The following SERPINI2 variants were observed in gnomAD, a reference collection of about 807,000 sequenced individuals.
SERPINI2 encodes serpin family I member 2.
In SERPINI2, 48 loss-of-function variants were observed where a neutral mutation model predicts 47.3. That is an observed-to-expected ratio of 1.02 (90% confidence interval 0.81 to 1.29). The LOEUF (loss-of-function observed/expected upper bound fraction) is 1.29, where lower values mean the gene tolerates loss of function less well. Ranked by LOEUF, SERPINI2 falls within the 50% of genes most tolerant of loss-of-function variation. The pLI, the probability that SERPINI2 is intolerant of heterozygous loss-of-function variation, is 0.00. For synonymous variants in SERPINI2, 135 were observed against 149.3 expected, an observed-to-expected ratio of 0.90 and a Z score of 0.70; for missense variants, 448 against 456.9, an observed-to-expected ratio of 0.98 and a Z score of 0.18.
In SERPINI2 at chr3:167,453,048, AAAAG is replaced by A. The variant is rs757242436; in HGVS notation, c.867-19_867-16del. 6.7e-5 allele frequency: 96 copies of A among 1,428,090 alleles called. No homozygotes were observed. The highest frequency in any genetic ancestry group is 7.8e-5 in the Non-Finnish European group (81 of 1,042,376). 88.5% of individuals were successfully genotyped at this position (1,428,090 alleles called of 1,614,324 possible). A position where few individuals can be genotyped will look rare whatever the true frequency, so the allele number is the denominator to read the frequency against. On this transcript the variant is annotated splice_polypyrimidine_tract_variant and intron_variant, in intron 5 of 8. Transcript: ENST00000264677. ...CTACTTTAAATCTGTTATTAAAAAA[AAAAG>A]AAAAAGAAAAGTCTTGAAACACTGC...
chr3:167,465,088 T>G, intron 5 of SERPINI2, 118 bp downstream of exon 5: 1 of 912,308 alleles, frequency 1.1e-6, no homozygotes, highest in Non-Finnish European at 1.7e-6. Context: ...TCCAAATACA[T>G]TTGTATTTTC....
Position 167,465,625 on chromosome 3 carries a change from C to T in SERPINI2, c.527G>A (p.Arg176Gln), listed in dbSNP as rs138960368. Residue 176 changes from arginine (R) to glutamine (Q), a missense_variant, in exon 4 of 9, where the codon CGG becomes CAG. Arg to Gln is a conservative substitution (Grantham distance 43). Transcript: ENST00000264677. Reference sequence around the variant, plus strand: ...ATAAATAGCATTCACCAGGACAAGCCGAGTCAGAGGGCCAAATTCTTCCCC... The same window carrying T: ...ATAAATAGCATTCACCAGGACAAGCTGAGTCAGAGGGCCAAATTCTTCCCC... 26 of 1,612,142 alleles carry T rather than the reference C, an allele frequency of 1.6e-5. No individual in the cohort carries two copies. In the East Asian group the frequency reaches 2.2e-4, roughly 14 times the overall value.
At chr3:167,471,559 G>C in intron 2 of SERPINI2, 29 bp downstream of exon 2, 1 of 1,606,260 alleles carries the variant, frequency 6.2e-7, no homozygotes, top group Middle Eastern at 1.7e-4. Context: ...ATCTTATCCA[G>C]TATAAGTAAG....
chr3:167,453,656 TGGGGG>T (rs1221533452), intron 5 of SERPINI2, among the ~76,000 whole-genome samples: 1 of 49,116 alleles, frequency 2.0e-5, no homozygotes, highest in African/African-American at 7.0e-5. Context: ...ATTACAGGAG[TGGGGG>T]GGGGTGGGCA....
upstream of SERPINI2, among the ~76,000 whole-genome samples, chr3:167,476,789 C>G (rs545906835): frequency 6.6e-6 from 1 of 151,934 alleles, no homozygotes; most frequent in Non-Finnish European, 1.5e-5. Context: ...TGTGAATACC[C>G]GGAACCTAAA....
intron 5 of SERPINI2, among the ~76,000 whole-genome samples, chr3:167,458,563 T>C (rs1168497570): frequency 6.6e-6 from 1 of 151,972 alleles, no homozygotes; most frequent in Non-Finnish European, 1.5e-5. Context: ...CTCCCGGCTG[T>C]CTTAGTGAAT....
intron 1 of SERPINI2, among the ~76,000 whole-genome samples, chr3:167,472,832 T>C (rs1326372686): frequency 6.6e-6 from 1 of 151,840 alleles, no homozygotes; most frequent in African/African-American, 2.4e-5. Flanking sequence ...TGGTAGAATG[T>C]TGACTCCAAG....
chr3:167,445,846 C>T (rs1380523318), intron 8 of SERPINI2, among the ~76,000 whole-genome samples: 2 of 152,196 alleles, frequency 1.3e-5, no homozygotes, highest in African/African-American at 4.8e-5. Context: ...TACTTCTACA[C>T]TCCCTTTACC....
At position 167,449,483 on chromosome 3, in the gene SERPINI2, T is replaced by C. The variant is rs931792152; in HGVS notation, c.965-81A>G. On this transcript the variant is annotated intron_variant, in intron 6 of 8. Transcript: ENST00000264677. Reference sequence around the variant, plus strand: ...ACCTATTAGATCTCAATTAATTACATTTATTTATTTATTTATTTATTTATT... The same window carrying C: ...ACCTATTAGATCTCAATTAATTACACTTATTTATTTATTTATTTATTTATT... 8 of 527,952 alleles carry C rather than the reference T, an allele frequency of 1.5e-5. No homozygotes were observed. The South Asian group carries it at 2.2e-4, about 14-fold the overall frequency. 32.7% of individuals were successfully genotyped at this position (527,952 alleles called of 1,614,324 possible). A position where few individuals can be genotyped will look rare whatever the true frequency, so the allele number is the denominator to read the frequency against.
At chr3:167,473,648 G>T in intron 1 of SERPINI2, 1 of 508,898 alleles carries the variant, frequency 2.0e-6, no homozygotes, top group South Asian at 3.9e-5. Context: ...TATATTATTT[G>T]AGCATCCACA....
intron 6 of SERPINI2, among the ~76,000 whole-genome samples, chr3:167,450,562 A>G (rs1258204533): frequency 1.3e-5 from 2 of 152,202 alleles, no homozygotes; most frequent in Non-Finnish European, 2.9e-5. Context: ...AGTCAATAAT[A>G]AATAGGTCAA....
chr3:167,455,835 T>C (rs778919049), intron 5 of SERPINI2, among the ~76,000 whole-genome samples: 2 of 152,104 alleles, frequency 1.3e-5, no homozygotes, highest in Admixed American at 1.3e-4. Context: ...GGGCAGGGGC[T>C]ACACACTTTT....
chr3:167,458,161 G>A (rs572808525), intron 5 of SERPINI2, among the ~76,000 whole-genome samples: 1 of 139,718 alleles, frequency 7.2e-6, no homozygotes, highest in Non-Finnish European at 1.5e-5. Context: ...TGCACTCTCC[G>A]TTTTTGTGAA....
chr3:167,471,620 C>T, exon 2 of SERPINI2: 2 of 1,613,504 alleles, frequency 1.2e-6, no homozygotes, highest in Non-Finnish European at 8.5e-7. Context: ...TAAAGTTTGT[C>T]TTATCTGCTG....
At chr3:167,453,418 G>A (rs1749696442) in intron 5 of SERPINI2, among the ~76,000 whole-genome samples, 1 of 152,160 alleles carries the variant, frequency 6.6e-6, no homozygotes, top group Admixed American at 6.6e-5. Flanking sequence ...GTTCCTGGCA[G>A]ATGCCCATGA....
upstream of SERPINI2, among the ~76,000 whole-genome samples, chr3:167,474,810 C>T (rs1750443861): frequency 6.6e-6 from 1 of 151,556 alleles, no homozygotes; most frequent in Non-Finnish European, 1.5e-5. Context: ...AATCAATCAC[C>T]TCAATGGCAA....
chr3:167,442,779 T>G lies in SERPINI2; in HGVS notation c.1142-594A>C, dbSNP rs548495812. Among the ~76,000 whole-genome samples the G allele has an allele frequency of 1.4e-4, 21 of 152,280 alleles. No individual in the cohort carries two copies. The East Asian group carries it at 4.1e-3, about 29-fold the overall frequency. On this transcript the variant is annotated intron_variant, in intron 8 of 8. Transcript: ENST00000264677. ...TCTGTGTTTGCAAGTGAAAAGGAAC[T>G]AAGAACTAAAGGACAAAACAGAAAG...
intron 5 of SERPINI2, among the ~76,000 whole-genome samples, chr3:167,454,111 G>T (rs947243503): frequency 1.3e-5 from 2 of 152,198 alleles, no homozygotes; most frequent in Non-Finnish European, 2.9e-5. Flanking sequence ...GAATGCATAC[G>T]CTAGTGCTCA....
chr3:167,473,622 T>A (rs550926068), intron 1 of SERPINI2: 1 of 441,744 alleles, frequency 2.3e-6, no homozygotes, highest in Non-Finnish European at 3.9e-6. Flanking sequence ...TTATTAATAA[T>A]CTTAATAATT....
Sources: gnomAD v4.1 joint callset for allele counts (sites outside exome capture counted in the v4.1 genomes callset) on GRCh38, gnomAD v4.1.1 for gene constraint, MANE v1.5 for transcripts, NCBI Gene and HGNC (gene_info 2026-07-23, HGNC 2026-07-21) for gene names.